SPOCK1: variants seen among roughly 807,000 people sequenced by gnomAD.
The protein encoded by SPOCK1 is testican-1.
SPOCK1 carries 23 observed loss-of-function variants against 55.3 expected under a neutral mutation model. The observed-to-expected ratio is 0.42, with a 90% CI of 0.30 to 0.59. The LOEUF is 0.59. Among genes scored for constraint, SPOCK1 ranks in the 20% least tolerant of loss-of-function variants. The pLI, the probability that SPOCK1 is intolerant of heterozygous loss-of-function variation, is 0.22. For synonymous variants in SPOCK1, 226 were observed against 221.0 expected (o/e 1.02, Z -0.20); for missense variants, 499 against 552.5 (o/e 0.90, Z 0.97).
intron 3 of SPOCK1, among the ~76,000 whole-genome samples, chr5:137,203,848 A>C (rs577866987): frequency 1.3e-5 from 2 of 152,216 alleles, no homozygotes; most frequent in Non-Finnish European, 2.9e-5. Context: ...TCTCTACTTC[A>C]TCAATTAATC....
intron 3 of SPOCK1, among the ~76,000 whole-genome samples, chr5:137,210,771 C>G (rs1401741107): frequency 6.6e-6 from 1 of 152,202 alleles, no homozygotes; most frequent in African/African-American, 2.4e-5. Flanking sequence ...CAGCTCTCAT[C>G]TTCTAATTCT....
chr5:137,400,244 T>G (rs1751947211), intron 2 of SPOCK1, among the ~76,000 whole-genome samples: 1 of 152,170 alleles, frequency 6.6e-6, no homozygotes, highest in Non-Finnish European at 1.5e-5. Flanking sequence ...AAGTACAGCC[T>G]CATACAGGCT....
At chr5:137,139,039 T>C (rs142111653) in intron 4 of SPOCK1, among the ~76,000 whole-genome samples, 68 of 152,298 alleles carry the variant, frequency 4.5e-4, no homozygotes, top group African/African-American at 1.3e-3. Flanking sequence ...ATTTACAAAA[T>C]GGCTGAAAGA....
chr5:137,076,351 T>C (rs1752759959), intron 5 of SPOCK1, among the ~76,000 whole-genome samples: 1 of 152,226 alleles, frequency 6.6e-6, no homozygotes, highest in Admixed American at 6.5e-5. Flanking sequence ...GAGCCTAGCA[T>C]ATCACAAGTA....
intron 3 of SPOCK1, among the ~76,000 whole-genome samples, chr5:137,227,821 C>T (rs1276281783): frequency 6.6e-6 from 1 of 152,158 alleles, no homozygotes; most frequent in African/African-American, 2.4e-5. Context: ...GTGCCATAAG[C>T]TTGTACCTCT....
intron 2 of SPOCK1, among the ~76,000 whole-genome samples, chr5:137,464,614 AC>A (rs1395434589): frequency 6.6e-6 from 1 of 152,076 alleles, no homozygotes; most frequent in Non-Finnish European, 1.5e-5. Context: ...GTAGATAGCA[AC>A]AGCCTGCCAG....
intron 2 of SPOCK1, among the ~76,000 whole-genome samples, chr5:137,322,046 G>C (rs1195123180): frequency 1.3e-5 from 2 of 152,018 alleles, no homozygotes; most frequent in African/African-American, 4.8e-5. Flanking sequence ...AAGAAAGAAT[G>C]CTAAAAAACA....
chr5:137,384,563 C>CATATATATATAT (rs368458010), intron 2 of SPOCK1, among the ~76,000 whole-genome samples: 16 of 133,530 alleles, frequency 1.2e-4, no homozygotes, highest in African/African-American at 5.6e-4. Context: ...TACATACATA[C>CATATATATATAT]ATATATATAT....
intron 2 of SPOCK1, among the ~76,000 whole-genome samples, chr5:137,466,679 G>A (rs1051494191): frequency 6.6e-6 from 1 of 152,218 alleles, no homozygotes; most frequent in Non-Finnish European, 1.5e-5. Context: ...GAATACATAA[G>A]AGTGTGCATC....
At chr5:137,349,492 T>C (rs1429377142) in intron 2 of SPOCK1, among the ~76,000 whole-genome samples, 1 of 152,202 alleles carries the variant, frequency 6.6e-6, no homozygotes, top group African/African-American at 2.4e-5. Context: ...ATAGATGGTA[T>C]AGGGGAATAT....
intron 2 of SPOCK1, among the ~76,000 whole-genome samples, chr5:137,274,008 T>C (rs1383734877): frequency 6.6e-6 from 1 of 152,234 alleles, no homozygotes; most frequent in Admixed American, 6.5e-5. Flanking sequence ...TTTCTGTCTG[T>C]CCTGGTCAGT....
chr5:137,122,122 G>T (rs1753697063), intron 4 of SPOCK1, among the ~76,000 whole-genome samples: 1 of 151,838 alleles, frequency 6.6e-6, no homozygotes, highest in Admixed American at 6.6e-5. Flanking sequence ...TTAAGAGAGT[G>T]ACAGAGCACA....
chr5:137,465,571 A>C (rs1253388654), intron 2 of SPOCK1, among the ~76,000 whole-genome samples: 1 of 152,064 alleles, frequency 6.6e-6, no homozygotes, highest in African/African-American at 2.4e-5. Flanking sequence ...ACATCTCTGC[A>C]ATACAAAGTC....
At chr5:137,267,201 G>A in intron 2 of SPOCK1, 146 bp from the exon 3 acceptor site, 2 of 636,606 alleles carry the variant, frequency 3.1e-6, no homozygotes, top group South Asian at 4.2e-5. Context: ...AGGCATTAAT[G>A]TGTAATAAAA....
At chr5:137,144,829 C>T (rs1754163013) in intron 3 of SPOCK1, among the ~76,000 whole-genome samples, 1 of 152,170 alleles carries the variant, frequency 6.6e-6, no homozygotes, top group African/African-American at 2.4e-5. Flanking sequence ...GGCAGCTGAG[C>T]GTGACAGCCC....
chr5:137,253,990 G>A (rs539498228), intron 3 of SPOCK1, among the ~76,000 whole-genome samples: 1 of 152,330 alleles, frequency 6.6e-6, no homozygotes, highest in South Asian at 2.1e-4. Context: ...TCTGTGCCTT[G>A]CTATGAGAAC....
At chr5:136,979,195 AGGGTTACT>A in intron 10 of SPOCK1, 129 bp downstream of exon 10, 1 of 1,282,690 alleles carries the variant, frequency 7.8e-7, no homozygotes, top group Non-Finnish European at 1.1e-6. Context: ...ATGTGATTTC[AGGGTTACT>A]ATGCCTCTAT....
intron 3 of SPOCK1, among the ~76,000 whole-genome samples, chr5:137,161,277 T>A (rs1754553105): frequency 6.6e-6 from 1 of 151,754 alleles, no homozygotes; most frequent in Non-Finnish European, 1.5e-5. Flanking sequence ...ATGGGATCAC[T>A]TCTACTTTAA....
At chr5:137,095,477 T>C (rs945032281) in intron 5 of SPOCK1, among the ~76,000 whole-genome samples, 13 of 152,246 alleles carry the variant, frequency 8.5e-5, no homozygotes, top group South Asian at 4.1e-4. Flanking sequence ...TCATTGATGG[T>C]TGTGTTATCT....
Sources: allele counts gnomAD v4.1 joint callset (sites outside exome capture counted in the v4.1 genomes callset), GRCh38; gene constraint gnomAD v4.1.1; transcripts MANE v1.5; gene names NCBI Gene and HGNC (gene_info 2026-07-23, HGNC 2026-07-21).